GNG2: variants seen among roughly 807,000 people sequenced by gnomAD.
GNG2 encodes guanine nucleotide-binding protein G(I)/G(S)/G(O) subunit gamma-2.
GNG2 carries 5 observed loss-of-function variants against 5.5 expected under a neutral mutation model. The ratio of observed to expected loss-of-function variants is 0.91; its 90% CI spans 0.48 to 1.92. The LOEUF (loss-of-function observed/expected upper bound fraction) is 1.92. Among genes scored for constraint, GNG2 ranks in the 30% most tolerant of loss-of-function variants. The pLI is 0.01. For synonymous variants in GNG2, 28 were observed against 32.0 expected (o/e 0.88, Z 0.42); for missense variants, 55 against 88.4 (o/e 0.62, Z 1.52).
At chr14:51,924,159 C>G (rs17124744) in intron 2 of GNG2, among the ~76,000 whole-genome samples, 7,121 of 152,240 alleles carry the variant, frequency 0.047, 171 homozygotes, top group African/African-American at 0.055. Flanking sequence ...ACTGAGGTCC[C>G]TTAACAGTTT....
At chr14:51,841,397 C>CCAAA (rs1041924067) in intron 2 of GNG2, 75 of 549,224 alleles carry the variant, frequency 1.4e-4, no homozygotes, top group African/African-American at 2.5e-4. Flanking sequence ...AGAGGCTGCA[C>CCAAA]CAAACAAACA....
At chr14:51,844,781 A>G (rs988231312) in intron 2 of GNG2, among the ~76,000 whole-genome samples, 3 of 152,146 alleles carry the variant, frequency 2.0e-5, no homozygotes, top group African/African-American at 4.8e-5. Flanking sequence ...GCTGTAGTGC[A>G]ATGGCATGAT....
intron 2 of GNG2, among the ~76,000 whole-genome samples, chr14:51,889,041 A>G (rs1159709875): frequency 6.7e-6 from 1 of 148,874 alleles, no homozygotes; most frequent in Non-Finnish European, 1.5e-5. Context: ...GAGGTAGATT[A>G]GTGGTTTCAG....
At chr14:51,887,669 G>A (rs1884559520) in intron 2 of GNG2, among the ~76,000 whole-genome samples, 2 of 152,176 alleles carry the variant, frequency 1.3e-5, no homozygotes, top group South Asian at 4.1e-4. Context: ...GAAAAGAGCT[G>A]GGGCTGTGGG....
In GNG2 at chr14:51,968,800, G is replaced by A. The variant is rs933217324; in HGVS notation, c.*2113G>A. 4.6e-5 allele frequency: 7 copies of A among 152,184 alleles called. No individual in the cohort carries two copies. Among genetic ancestry groups the A allele is most frequent in the East Asian group, 3.8e-4 (2 of 5,200 alleles). The allele number at this position is 152,184 out of a possible 1,614,324, so 9.4% of individuals were successfully genotyped here. The stretch of plus-strand genomic sequence containing the variant: ...CGGATGAATGAATAAAACACTCTTT[G>A]GTGGTGACTGAGGCATCATTAGAAG... On this transcript the variant is annotated 3_prime_UTR_variant, in exon 4 of 4. Transcript: ENST00000556766.
At chr14:51,839,172 T>C (rs887366381) in intron 2 of GNG2, among the ~76,000 whole-genome samples, 14 of 152,226 alleles carry the variant, frequency 9.2e-5, no homozygotes, top group African/African-American at 3.4e-4. Context: ...GAGAAGGCCC[T>C]GATGACATAT....
chr14:51,948,992 G>T (rs1185290785), intron 2 of GNG2, among the ~76,000 whole-genome samples: 1 of 151,932 alleles, frequency 6.6e-6, no homozygotes, highest in African/African-American at 2.4e-5. Flanking sequence ...GTGGTGGCGG[G>T]CACCTGTAGT....
At chr14:51,874,448 T>A (rs1256953167) in intron 1 of GNG2, among the ~76,000 whole-genome samples, 2 of 146,286 alleles carry the variant, frequency 1.4e-5, no homozygotes, top group Non-Finnish European at 3.0e-5. Flanking sequence ...AAAAACAGTC[T>A]GGCTGGGTGT....
intron 1 of GNG2, among the ~76,000 whole-genome samples, chr14:51,862,741 C>T (rs1225043821): frequency 1.3e-5 from 2 of 152,234 alleles, no homozygotes; most frequent in Non-Finnish European, 2.9e-5. Context: ...TGCCTATTTT[C>T]TGCACAGCAC....
intron 2 of GNG2, among the ~76,000 whole-genome samples, chr14:51,853,255 G>T (rs1299755435): frequency 6.6e-6 from 1 of 152,194 alleles, no homozygotes; most frequent in South Asian, 2.1e-4. Context: ...GTGCGAGGTG[G>T]GTGCTGAAGA....
At chr14:51,908,803 C>T (rs1886118447) in intron 2 of GNG2, among the ~76,000 whole-genome samples, 1 of 139,594 alleles carries the variant, frequency 7.2e-6, no homozygotes, top group South Asian at 2.4e-4. Context: ...TGGCCTCGAA[C>T]TCCTGACCCA....
At chr14:51,845,804 C>A (rs1027357931) in intron 2 of GNG2, among the ~76,000 whole-genome samples, 5 of 152,140 alleles carry the variant, frequency 3.3e-5, no homozygotes, top group Non-Finnish European at 5.9e-5. Flanking sequence ...ACCCTGCGTG[C>A]CACCTATTGA....
chr14:51,907,121 C>T (rs939735399), intron 2 of GNG2, among the ~76,000 whole-genome samples: 1 of 152,140 alleles, frequency 6.6e-6, no homozygotes, highest in Non-Finnish European at 1.5e-5. Context: ...ACAGGCATGA[C>T]GGCTCCTGGA....
chr14:51,843,572 AAAGTT>A (rs1223242170), intron 2 of GNG2, among the ~76,000 whole-genome samples: 7 of 24,330 alleles, frequency 2.9e-4, no homozygotes, highest in South Asian at 8.9e-3. Flanking sequence ...CCCAGAACTT[AAAGTT>A]AAAAAAAAAA....
chr14:51,851,428 C>T (rs1881904393), intron 2 of GNG2, among the ~76,000 whole-genome samples: 1 of 152,148 alleles, frequency 6.6e-6, no homozygotes, highest in African/African-American at 2.4e-5. Context: ...TACATACTAA[C>T]CTCATCATTT....
intron 1 of GNG2, among the ~76,000 whole-genome samples, chr14:51,870,004 G>C (rs113880359): frequency 4.6e-5 from 7 of 152,300 alleles, no homozygotes; most frequent in African/African-American, 1.7e-4. Flanking sequence ...AAAGGGTCTG[G>C]TTCTATTAGC....
At chr14:51,945,369 T>G (rs1165195793) in intron 2 of GNG2, among the ~76,000 whole-genome samples, 3 of 152,174 alleles carry the variant, frequency 2.0e-5, no homozygotes, top group African/African-American at 7.2e-5. Flanking sequence ...GGAAGGACAT[T>G]CTGATAGGCT....
rs1040641624 is a variant in GNG2, at chr14:51,966,841, C to G, written c.*154C>G. 9 of 604,546 alleles carry G rather than the reference C, an allele frequency of 1.5e-5. No individual in the cohort carries two copies. The highest frequency in any genetic ancestry group is 2.6e-5 in the Non-Finnish European group (9 of 346,922). 37.4% of individuals were successfully genotyped at this position (604,546 alleles called of 1,614,324 possible). On this transcript the variant is annotated 3_prime_UTR_variant, in exon 4 of 4. Coordinates refer to ENST00000556766, the MANE Select transcript of GNG2 (RefSeq NM_053064.5). Reference sequence around the variant, plus strand: ...CTATGCATGTTTAAAGATCTGGTCCCCTTTATGAGAATGCAAGCCGATCCA... The same window carrying G: ...CTATGCATGTTTAAAGATCTGGTCCGCTTTATGAGAATGCAAGCCGATCCA...
intron 2 of GNG2, among the ~76,000 whole-genome samples, chr14:51,921,972 T>C (rs1331767213): frequency 6.6e-6 from 1 of 152,246 alleles, no homozygotes; most frequent in Non-Finnish European, 1.5e-5. Flanking sequence ...TATCATTTTG[T>C]TCCTTTGCAC....
Sources: gnomAD v4.1 joint callset for allele counts (sites outside exome capture counted in the v4.1 genomes callset) on GRCh38, gnomAD v4.1.1 for gene constraint, MANE v1.5 for transcripts, NCBI Gene and HGNC (gene_info 2026-07-23, HGNC 2026-07-21) for gene names.